The following AGBL1 variants were observed in gnomAD, a reference collection of about 807,000 sequenced individuals.
AGBL1 encodes the protein cytosolic carboxypeptidase 4.
AGBL1 carries 130 observed loss-of-function variants against 118.9 expected under a neutral mutation model. The ratio of observed to expected loss-of-function variants is 1.09; its 90% CI spans 0.95 to 1.26. AGBL1 has a LOEUF of 1.26. AGBL1 is among the 50% of genes most tolerant of loss of function. The probability of loss-of-function intolerance (pLI) is 0.00; values close to 1 mark genes in which losing one functional copy is unlikely to be tolerated. For synonymous variants in AGBL1, 555 were observed against 478.9 expected (o/e 1.16, Z -2.08); for missense variants, 1,584 against 1,298.1 (o/e 1.22, Z -3.38).
chr15:86,826,645 A>G (rs1343870371), intron 22 of AGBL1, among the ~76,000 whole-genome samples: 1 of 152,074 alleles, frequency 6.6e-6, no homozygotes, highest in Non-Finnish European at 1.5e-5. Flanking sequence ...AAACGCTCCT[A>G]GGTGCTGTTA....
intron 1 of AGBL1, among the ~76,000 whole-genome samples, chr15:86,133,503 G>A (rs1198923004): frequency 6.6e-6 from 1 of 152,096 alleles, no homozygotes; most frequent in East Asian, 1.9e-4. Flanking sequence ...AACTAACTTC[G>A]AAGCTTTGTA....
chr15:86,927,131 T>G (rs1191453658), intron 23 of AGBL1, among the ~76,000 whole-genome samples: 2 of 151,068 alleles, frequency 1.3e-5, no homozygotes, highest in Non-Finnish European at 2.9e-5. Context: ...AGTGTGAGAC[T>G]CCATCTTAAA....
At chr15:86,894,544 C>T (rs374123336) in intron 22 of AGBL1, among the ~76,000 whole-genome samples, 2 of 152,038 alleles carry the variant, frequency 1.3e-5, no homozygotes, top group East Asian at 1.9e-4. Context: ...TCTTCTGGAC[C>T]GCTAGGCTAA....
rs144007790 is a variant in AGBL1, at chr15:86,314,047, C to T, written c.2374+18639C>T. Among the ~76,000 whole-genome samples, 121 of 152,322 alleles carry T rather than the reference C, an allele frequency of 7.9e-4. 1 individual carries two copies. The highest frequency in any genetic ancestry group is 2.6e-3 in the African/African-American group (110 of 41,574). ...CCTAGATCCTTACTGCCACAGGATT[C>T]TGCTTATTGAGGCTATCTGAATATA... On this transcript the variant is annotated intron_variant, in intron 17 of 22. Coordinates refer to ENST00000614907, the MANE Select transcript of AGBL1 (RefSeq NM_001386094.1).
At chr15:86,759,587 T>C (rs1175529266) in intron 22 of AGBL1, among the ~76,000 whole-genome samples, 2 of 152,090 alleles carry the variant, frequency 1.3e-5, no homozygotes, top group East Asian at 3.9e-4. Context: ...CCTCCCCAAA[T>C]CACACAACTA....
intron 22 of AGBL1, among the ~76,000 whole-genome samples, chr15:86,701,639 C>G (rs2086359848): frequency 6.7e-6 from 1 of 148,584 alleles, no homozygotes; most frequent in Non-Finnish European, 1.5e-5. Context: ...CCTCTCCTCT[C>G]CTCCCCTCCC....
At position 86,177,100 on chromosome 15, in the gene AGBL1, A is replaced by G. The variant is rs545699542; in HGVS notation, c.488+18074A>G. Reference sequence around the variant, plus strand: ...ACTTGAGTGGGTTAAAAGTAAAAGGATGAAAAAGATATACCAAGCTAATGA... The same window carrying G: ...ACTTGAGTGGGTTAAAAGTAAAAGGGTGAAAAAGATATACCAAGCTAATGA... On this transcript the variant is annotated intron_variant, in intron 5 of 22. Transcript: ENST00000614907. Among the ~76,000 whole-genome samples, 37 of 152,324 alleles carry G rather than the reference A, an allele frequency of 2.4e-4. 1 individual carries two copies. The Middle Eastern group carries it at 0.034, about 140-fold the overall frequency.
chr15:86,769,200 A>AGG (rs1381539381), intron 22 of AGBL1, among the ~76,000 whole-genome samples: 3 of 116,052 alleles, frequency 2.6e-5, no homozygotes, highest in African/African-American at 7.3e-5. Context: ...ACAGAGAAAG[A>AGG]GGGAGAGAGA....
Position 86,613,358 on chromosome 15 carries a change from T to C in AGBL1, c.2994+58821T>C, listed in dbSNP as rs1207411334. Among the ~76,000 whole-genome samples the C allele has an allele frequency of 6.6e-6, 1 of 152,122 alleles. No homozygotes were observed. Among genetic ancestry groups the C allele is most frequent in the African/African-American group, 2.4e-5 (1 of 41,426 alleles). On this transcript the variant is annotated intron_variant, in intron 21 of 22. Transcript: ENST00000614907. This position sits in a 1 kb window ranked among gnomAD's most constrained non-coding sequence, Gnocchi z 4.2. Reference sequence around the variant, plus strand: ...ACTTTAGCTGGATCTAATGGGGCAGTAGGACACCGGTTGGTGCGTGGACAG... The same window carrying C: ...ACTTTAGCTGGATCTAATGGGGCAGCAGGACACCGGTTGGTGCGTGGACAG...
At chr15:86,979,580 C>T (rs2081208980) in intron 23 of AGBL1, among the ~76,000 whole-genome samples, 1 of 152,100 alleles carries the variant, frequency 6.6e-6, no homozygotes, top group Admixed American at 6.5e-5. Flanking sequence ...GCTCCGCCTC[C>T]CGGGTTCACG....
intron 5 of AGBL1, among the ~76,000 whole-genome samples, chr15:86,218,697 G>C (rs777680777): frequency 6.6e-6 from 1 of 152,214 alleles, no homozygotes; most frequent in Non-Finnish European, 1.5e-5. Context: ...CCATTGCAAA[G>C]AACAGTTGGT....
chr15:87,003,814 G>A (rs968195020), intron 24 of AGBL1, among the ~76,000 whole-genome samples: 19 of 152,132 alleles, frequency 1.2e-4, no homozygotes, highest in Non-Finnish European at 1.9e-4. Context: ...CTGTGGGATC[G>A]GTGGTGATAT....
intron 22 of AGBL1, among the ~76,000 whole-genome samples, chr15:86,788,247 A>G (rs1316511699): frequency 2.0e-5 from 3 of 152,200 alleles, no homozygotes; most frequent in Admixed American, 6.5e-5. Context: ...TTACCACAGA[A>G]CAAAATATGA....
At chr15:86,590,714 T>C (rs2084322399) in intron 21 of AGBL1, among the ~76,000 whole-genome samples, 1 of 152,190 alleles carries the variant, frequency 6.6e-6, no homozygotes, top group African/African-American at 2.4e-5. Flanking sequence ...TAGTCTTTCT[T>C]GGATCCAGAC....
chr15:86,668,483 C>G (rs983541801), intron 21 of AGBL1, among the ~76,000 whole-genome samples: 2 of 152,106 alleles, frequency 1.3e-5, no homozygotes, highest in African/African-American at 4.8e-5. Flanking sequence ...CAGATTTTTC[C>G]TATTTCTGGC....
intron 24 of AGBL1, among the ~76,000 whole-genome samples, chr15:86,997,834 A>G (rs1393467338): frequency 6.6e-6 from 1 of 151,814 alleles, no homozygotes; most frequent in Non-Finnish European, 1.5e-5. Context: ...AGAGGAAGAC[A>G]TATTTCATAA....
At chr15:86,753,704 C>T (rs1354816794) in intron 22 of AGBL1, among the ~76,000 whole-genome samples, 1 of 151,984 alleles carries the variant, frequency 6.6e-6, no homozygotes, top group Non-Finnish European at 1.5e-5. Context: ...GGCCTCAAGG[C>T]TGTCTTTCTA....
At chr15:86,497,182 C>G (rs531499294) in intron 18 of AGBL1, among the ~76,000 whole-genome samples, 1 of 151,978 alleles carries the variant, frequency 6.6e-6, no homozygotes, top group South Asian at 2.1e-4. Context: ...ATTTTATATT[C>G]AGTAGTTATA....
intron 22 of AGBL1, among the ~76,000 whole-genome samples, chr15:86,792,880 A>C (rs1012459696): frequency 6.6e-6 from 1 of 152,156 alleles, no homozygotes. Context: ...ATTCCCAGTA[A>C]TATTATCAAC....
Sources: allele counts gnomAD v4.1 joint callset (sites outside exome capture counted in the v4.1 genomes callset), GRCh38; gene constraint gnomAD v4.1.1; non-coding constraint Gnocchi (gnomAD v3.1); transcripts MANE v1.5; gene names NCBI Gene and HGNC (gene_info 2026-07-23, HGNC 2026-07-21).